The following BICD1 variants were observed in gnomAD, a reference collection of about 807,000 sequenced individuals.
BICD1 encodes the protein BICD cargo adaptor 1, also known as protein bicaudal D homolog 1.
In BICD1, 35 loss-of-function variants were observed where a neutral mutation model predicts 92.5. That is an observed-to-expected ratio of 0.38 (90% confidence interval 0.29 to 0.50). BICD1 has a LOEUF of 0.50. Among genes scored for constraint, BICD1 ranks in the 20% least tolerant of loss-of-function variants. The pLI, the probability that BICD1 is intolerant of heterozygous loss-of-function variation, is 0.93. For synonymous variants in BICD1, 429 were observed against 465.1 expected, an observed-to-expected ratio of 0.92 and a Z score of 1.00; for missense variants, 950 against 1,189.8, an observed-to-expected ratio of 0.80 and a Z score of 2.97.
intron 2 of BICD1, among the ~76,000 whole-genome samples, chr12:32,279,326 A>G (rs1008311504): frequency 6.6e-6 from 1 of 152,244 alleles, no homozygotes; most frequent in Admixed American, 6.5e-5. Flanking sequence ...ACTATGTGAC[A>G]ATATTAAAAA....
At chr12:32,315,993 G>A (rs1199010263) in intron 4 of BICD1, among the ~76,000 whole-genome samples, 3 of 151,692 alleles carry the variant, frequency 2.0e-5, no homozygotes, top group Admixed American at 1.3e-4. Context: ...AAAATTAGCC[G>A]AGTGTGGTGG....
Position 32,142,630 on chromosome 12 carries a change from T to G in BICD1, c.213+35086T>G, listed in dbSNP as rs111695782. Among the ~76,000 whole-genome samples, 566 of 152,304 alleles carry G rather than the reference T, an allele frequency of 3.7e-3. 2 individuals carry two copies. The highest frequency in any genetic ancestry group is 0.013 in the African/African-American group (532 of 41,566). On this transcript the variant is annotated intron_variant, in intron 1 of 9. Transcript: ENST00000652176. ...CGCTTCACATCTGACTCTTGCAGCA[T>G]TCTTATAAAGAGATCTCACACCATA...
At chr12:32,170,891 C>T (rs1271149) in intron 1 of BICD1, among the ~76,000 whole-genome samples, 1 of 152,324 alleles carries the variant, frequency 6.6e-6, no homozygotes, top group African/African-American at 2.4e-5. Context: ...ACCAGCATGT[C>T]ACTACTGCCG....
At chr12:32,155,354 T>C (rs900175924) in intron 1 of BICD1, among the ~76,000 whole-genome samples, 4 of 152,190 alleles carry the variant, frequency 2.6e-5, no homozygotes, top group African/African-American at 4.8e-5. Flanking sequence ...CTAATTGATA[T>C]GCAAAAAGGA....
At chr12:32,147,797 G>A (rs1943159508) in intron 1 of BICD1, among the ~76,000 whole-genome samples, 1 of 152,070 alleles carries the variant, frequency 6.6e-6, no homozygotes. Context: ...TGGTTCCAGG[G>A]CAGCCTAACT....
intron 1 of BICD1, among the ~76,000 whole-genome samples, chr12:32,207,295 T>C (rs1455225307): frequency 6.6e-6 from 1 of 152,088 alleles, no homozygotes; most frequent in East Asian, 1.9e-4. Flanking sequence ...AGGTACCAAT[T>C]ACAAACCATC....
At chr12:32,343,235 T>C (rs1938447095) in intron 8 of BICD1, among the ~76,000 whole-genome samples, 2 of 152,192 alleles carry the variant, frequency 1.3e-5, no homozygotes, top group Admixed American at 1.3e-4. Context: ...GACAGCAGAT[T>C]GTATGTCTTC....
At chr12:32,175,590 C>T (rs966542975) in intron 1 of BICD1, among the ~76,000 whole-genome samples, 7 of 152,224 alleles carry the variant, frequency 4.6e-5, no homozygotes, top group African/African-American at 9.6e-5. Context: ...AGTGCTGAGA[C>T]GACAGGCATG....
At chr12:32,125,976 G>A (rs1202370056) in intron 1 of BICD1, among the ~76,000 whole-genome samples, 1 of 150,706 alleles carries the variant, frequency 6.6e-6, no homozygotes, top group African/African-American at 2.5e-5. Flanking sequence ...TTGAGCCCAG[G>A]AGGTGGAGTT....
intron 1 of BICD1, among the ~76,000 whole-genome samples, chr12:32,140,266 G>GA (rs1165109583): frequency 6.6e-6 from 1 of 152,140 alleles, no homozygotes; most frequent in Non-Finnish European, 1.5e-5. Flanking sequence ...TTGAGATTAT[G>GA]AAAATCTGTT....
intron 2 of BICD1, among the ~76,000 whole-genome samples, chr12:32,226,351 C>G (rs1410696563): frequency 6.6e-6 from 1 of 152,178 alleles, no homozygotes; most frequent in Non-Finnish European, 1.5e-5. Flanking sequence ...GTCAGCTGGT[C>G]TCAAACTCCT....
At chr12:32,338,015 AC>A (rs915850420) in intron 7 of BICD1, 199 bp downstream of exon 7, 33 of 566,412 alleles carry the variant, frequency 5.8e-5, no homozygotes, top group Admixed American at 3.0e-5. Context: ...GTCCTTTCTA[AC>A]CCCCTGCCCA....
chr12:32,144,213 T>C (rs1943037609), intron 1 of BICD1, among the ~76,000 whole-genome samples: 1 of 152,256 alleles, frequency 6.6e-6, no homozygotes, highest in Non-Finnish European at 1.5e-5. Context: ...AAAAATTGTC[T>C]TTCATAATTA....
At chr12:32,353,170 T>C (rs1361978118) in intron 8 of BICD1, 1 of 152,224 alleles carries the variant, frequency 6.6e-6, no homozygotes, top group Non-Finnish European at 1.5e-5. Context: ...TAGCTTTGCT[T>C]CAATTAAATT....
Position 32,334,663 on chromosome 12 carries a change from A to G in BICD1, c.2248A>G (p.Thr750Ala). Residue 750 changes from threonine (T) to alanine (A), a missense_variant, in exon 6 of 10, where the codon ACA (threonine) becomes GCA (alanine). Around this residue, in one of 5 missense-constraint regions of BICD1, gnomAD observed 309 missense variants for 499.4 expected, o/e 0.62. Coordinates refer to ENST00000652176, the MANE Select transcript of BICD1 (RefSeq NM_001714.4). The stretch of plus-strand genomic sequence containing the variant: ...CTCATCCCTGAGAGCAATGTTTGCA[A>G]CAAGGTAACAGTATTTTCTTCCTAT... ...TFSSLRAMFA[T>A]RCDEYVTQLD... 6.2e-7 allele frequency: 1 copy of G among 1,609,466 alleles called. No individual in the cohort carries two copies. The highest frequency in any genetic ancestry group is 8.5e-7 in the Non-Finnish European group (1 of 1,178,460).
chr12:32,213,687 C>T (rs1945279364), intron 1 of BICD1, among the ~76,000 whole-genome samples: 1 of 152,184 alleles, frequency 6.6e-6, no homozygotes, highest in South Asian at 2.1e-4. Flanking sequence ...ATGTGAGCCA[C>T]CGCACCCGGC....
intron 2 of BICD1, among the ~76,000 whole-genome samples, chr12:32,239,691 C>A (rs897292610): frequency 6.6e-6 from 1 of 151,782 alleles, no homozygotes; most frequent in Admixed American, 6.6e-5. Flanking sequence ...TCACTGCAAC[C>A]TCTACCTCCT....
At chr12:32,240,096 G>T (rs1254247620) in intron 2 of BICD1, among the ~76,000 whole-genome samples, 2 of 152,256 alleles carry the variant, frequency 1.3e-5, no homozygotes, top group East Asian at 3.9e-4. Context: ...TCCAAGATAT[G>T]CCTGTACTGA....
chr12:32,298,847 G>A (rs1947954087), intron 3 of BICD1, among the ~76,000 whole-genome samples: 1 of 130,984 alleles, frequency 7.6e-6, no homozygotes, highest in African/African-American at 3.2e-5. Context: ...TCCAGCCTGG[G>A]CAACAAGAGT....
Sources: allele counts gnomAD v4.1 joint callset (sites outside exome capture counted in the v4.1 genomes callset), GRCh38; gene constraint gnomAD v4.1.1; regional missense constraint gnomAD v4.1.1; transcripts MANE v1.5; gene names NCBI Gene and HGNC (gene_info 2026-07-23, HGNC 2026-07-21).